The following HIPK1 variants were observed in gnomAD, a reference collection of about 807,000 sequenced individuals.
HIPK1 encodes homeodomain interacting protein kinase 1.
A neutral mutation model predicts 117.1 loss-of-function variants in HIPK1; 28 were observed. The observed-to-expected ratio is 0.24, with a 90% CI of 0.18 to 0.33. The LOEUF (loss-of-function observed/expected upper bound fraction) is 0.33. HIPK1 is among the 10% of genes least tolerant of loss of function. The pLI is 1.00. For missense variants in HIPK1, 1,122 were observed against 1,475.1 expected (o/e 0.76, Z 3.92); for synonymous variants, 605 against 562.5 (o/e 1.08, Z -1.07).
intron 2 of HIPK1, among the ~76,000 whole-genome samples, chr1:113,948,101 C>T (rs1671105624): frequency 6.6e-6 from 1 of 152,188 alleles, no homozygotes; most frequent in Non-Finnish European, 1.5e-5. Context: ...TCTGGATTCA[C>T]AGTTTAAAGT....
intron 2 of HIPK1, among the ~76,000 whole-genome samples, chr1:113,947,592 T>C (rs1319130438): frequency 1.3e-5 from 2 of 152,190 alleles, no homozygotes; most frequent in Non-Finnish European, 2.9e-5. Context: ...CAGAGTGATT[T>C]GTGTTAAGTG....
At chr1:113,935,153 A>AT (rs1670171920) in intron 1 of HIPK1, among the ~76,000 whole-genome samples, 1 of 151,478 alleles carries the variant, frequency 6.6e-6, no homozygotes, top group Admixed American at 6.6e-5. Context: ...CCTGACATTT[A>AT]TTTTTTCTGA....
chr1:113,949,002 T>C (rs1671169596), intron 2 of HIPK1, among the ~76,000 whole-genome samples: 1 of 152,150 alleles, frequency 6.6e-6, no homozygotes, highest in South Asian at 2.1e-4. Flanking sequence ...CATGCCCAGC[T>C]AATTTTTGTA....
Position 113,971,945 on chromosome 1 carries a change from T to C in HIPK1, c.3135T>C (p.Asn1045=), listed in dbSNP as rs748202639. ...RGGTSAAQPL[N]LSQNQQSSAA... is the part of the protein sequence containing the mutation. ...GGACCAGTGCAGCACAACCACTCAA[T>C]CTTAGCCAGGTAAGTGCTATGGGCT... Residue 1045 remains asparagine (N), a synonymous_variant, in exon 15 of 16, where the codon AAT becomes AAC. Coordinates refer to ENST00000426820, the MANE Select transcript of HIPK1 (RefSeq NM_198268.3). The C allele has an allele frequency of 1.9e-6, 3 of 1,611,014 alleles. No homozygotes were observed. Among genetic ancestry groups the C allele is most frequent in the Admixed American group, 1.7e-5 (1 of 59,448 alleles).
intron 10 of HIPK1, among the ~76,000 whole-genome samples, chr1:113,964,985 G>A (rs1467589692): frequency 6.6e-6 from 1 of 152,194 alleles, no homozygotes; most frequent in Non-Finnish European, 1.5e-5. Flanking sequence ...GCAGGTGTTG[G>A]CTTATGGAAA....
chr1:113,937,544 T>G (rs970608987), intron 1 of HIPK1, among the ~76,000 whole-genome samples: 1 of 151,804 alleles, frequency 6.6e-6, no homozygotes, highest in Non-Finnish European at 1.5e-5. Context: ...TTAATAGATA[T>G]GAGATTGGTA....
rs1220952467 is a variant in HIPK1, at chr1:113,940,884, C to T, written c.501C>T (p.Ser167=). The T allele has an allele frequency of 6.2e-7, 1 of 1,614,154 alleles. No homozygotes were observed. The change falls in exon 2 of 16, where the codon AGC becomes AGT. Residue 167 remains serine, a synonymous_variant. Coordinates refer to ENST00000426820, the MANE Select transcript of HIPK1 (RefSeq NM_198268.3). The part of the protein sequence containing the change: ...ATTTTVTTKS[S]SSSGEGDYQL... ...CCACCACTGTGACCACAAAGAGTAG[C>T]AGTTCCAGCGGAGAAGGGGATTACC...
At chr1:113,971,218 C>T (rs990748682) in intron 14 of HIPK1, among the ~76,000 whole-genome samples, 6 of 152,182 alleles carry the variant, frequency 3.9e-5, no homozygotes, top group Non-Finnish European at 7.4e-5. Flanking sequence ...TGATGCCAGG[C>T]TACTGAATAG....
intron 14 of HIPK1, 84 bp from the exon 15 acceptor site, chr1:113,971,740 C>A: frequency 7.5e-7 from 1 of 1,329,408 alleles, no homozygotes; most frequent in Non-Finnish European, 1.0e-6. Flanking sequence ...AAACTACATA[C>A]AGATGTGGAC....
At chr1:113,951,173 T>A (rs906674552) in intron 2 of HIPK1, 1 of 935,064 alleles carries the variant, frequency 1.1e-6, no homozygotes, top group Admixed American at 6.2e-5. Flanking sequence ...GTGTCATTTA[T>A]TATTATTGCT....
intron 2 of HIPK1, among the ~76,000 whole-genome samples, chr1:113,949,615 T>C (rs1387483995): frequency 1.3e-5 from 2 of 150,650 alleles, no homozygotes; most frequent in Non-Finnish European, 3.0e-5. Flanking sequence ...TTTTTTTTTT[T>C]TGAGACAGAG....
At position 113,962,573 on chromosome 1, in the gene HIPK1, A is replaced by G. The variant is rs568192177; in HGVS notation, c.2103+135A>G. Reference sequence around the variant, plus strand: ...TGATTCAGTGGACTTAAAATGAAACATCTCTATGGAACAATATACTAATTC... The same window carrying G: ...TGATTCAGTGGACTTAAAATGAAACGTCTCTATGGAACAATATACTAATTC... On this transcript the variant is annotated intron_variant, in intron 9 of 15. Transcript: ENST00000426820. 28 of 796,566 alleles carry G rather than the reference A, an allele frequency of 3.5e-5. No individual in the cohort carries two copies. In the African/African-American group the frequency reaches 4.4e-4, roughly 13 times the overall value. 49.3% of individuals were successfully genotyped at this position (796,566 alleles called of 1,614,324 possible).
chr1:113,957,601 G>A (rs1671809562), intron 7 of HIPK1, among the ~76,000 whole-genome samples: 1 of 152,240 alleles, frequency 6.6e-6, no homozygotes, highest in Admixed American at 6.5e-5. Flanking sequence ...CCTGTTAGGA[G>A]AAGGATTTTA....
In HIPK1 at chr1:113,973,546, C is replaced by A. The variant is rs562412614; in HGVS notation, c.*34C>A. 1 of 1,545,972 alleles carries A rather than the reference C, an allele frequency of 6.5e-7. No homozygotes were observed. The highest frequency in any genetic ancestry group is 1.3e-5 in the South Asian group (1 of 79,774). On this transcript the variant is annotated 3_prime_UTR_variant, in exon 16 of 16. Transcript: ENST00000426820. ...CATGAGGGAGGAGGAATCATGGCTA[C>A]CTTCTCCTGGCCCTGCGTTCTTAAT...
Position 113,940,897 on chromosome 1 carries a change from G to C in HIPK1, c.514G>C (p.Glu172Gln). Reference sequence around the variant, plus strand: ...CACAAAGAGTAGCAGTTCCAGCGGAGAAGGGGATTACCAGCTGGTCCAGCA... The same window carrying C: ...CACAAAGAGTAGCAGTTCCAGCGGACAAGGGGATTACCAGCTGGTCCAGCA... ...VTTKSSSSSG[E>Q]GDYQLVQHEI... Residue 172 changes from glutamate to glutamine, a missense_variant, in exon 2 of 16, where the codon GAA becomes CAA. By Grantham distance (29) the Glu-to-Gln change is conservative (BLOSUM62 2). Transcript: ENST00000426820. 1 of 1,614,150 alleles carries C rather than the reference G, an allele frequency of 6.2e-7. No individual in the cohort carries two copies. Among genetic ancestry groups the C allele is most frequent in the South Asian group, 1.1e-5 (1 of 91,084 alleles).
At chr1:113,945,562 T>C (rs547656711) in intron 2 of HIPK1, among the ~76,000 whole-genome samples, 1 of 152,366 alleles carries the variant, frequency 6.6e-6, no homozygotes, top group South Asian at 2.1e-4. Context: ...TATTCAGTTC[T>C]TCAAACACCA....
At chr1:113,970,570 T>G (rs1672756096) in intron 14 of HIPK1, among the ~76,000 whole-genome samples, 1 of 152,246 alleles carries the variant, frequency 6.6e-6, no homozygotes, top group Admixed American at 6.5e-5. Flanking sequence ...TGAAAATGAC[T>G]GCAAAAGTGT....
intron 1 of HIPK1, chr1:113,932,278 C>T (rs1460854586): frequency 6.6e-6 from 1 of 151,842 alleles, no homozygotes; most frequent in Admixed American, 6.6e-5. Flanking sequence ...ACAGTGCTTT[C>T]CCAGAGTGCT....
intron 3 of HIPK1, 74 bp from the exon 4 acceptor site, chr1:113,954,577 A>G: frequency 6.7e-7 from 1 of 1,499,636 alleles, no homozygotes; most frequent in African/African-American, 1.4e-5. Context: ...AAAGTTAATG[A>G]TGTTTTAGTG....
Sources: gnomAD v4.1 joint callset for allele counts (sites outside exome capture counted in the v4.1 genomes callset) on GRCh38, gnomAD v4.1.1 for gene constraint, MANE v1.5 for transcripts, NCBI Gene and HGNC (gene_info 2026-07-23, HGNC 2026-07-21) for gene names.